MYO18B: variants seen among roughly 807,000 people sequenced by gnomAD.
MYO18B encodes myosin XVIIIB, also known as unconventional myosin-XVIIIb.
A neutral mutation model predicts 273.0 loss-of-function variants in MYO18B; 204 were observed. The observed-to-expected ratio is 0.75, with a 90% CI of 0.67 to 0.84. The LOEUF (loss-of-function observed/expected upper bound fraction) is 0.84. Among genes scored for constraint, MYO18B ranks in the 40% least tolerant of loss-of-function variants. MYO18B has a pLI of 0.00. For synonymous variants in MYO18B, 1,330 were observed against 1,305.7 expected (o/e 1.02, Z -0.40); for missense variants, 3,212 against 3,287.6 (o/e 0.98, Z 0.56).
At chr22:25,844,157 C>T (rs2090167013) in intron 18 of MYO18B, among the ~76,000 whole-genome samples, 1 of 152,198 alleles carries the variant, frequency 6.6e-6, no homozygotes, top group African/African-American at 2.4e-5. Context: ...CTTATTTTGG[C>T]ACTTTGCCTT....
intron 2 of MYO18B, among the ~76,000 whole-genome samples, chr22:25,761,582 T>C (rs2086319913): frequency 6.6e-6 from 1 of 152,140 alleles, no homozygotes; most frequent in Non-Finnish European, 1.5e-5. Flanking sequence ...AAACGGGCTC[T>C]CCTCCCCAGA....
At chr22:25,965,808 A>G (rs1458768992) in intron 39 of MYO18B, among the ~76,000 whole-genome samples, 2 of 152,128 alleles carry the variant, frequency 1.3e-5, no homozygotes, top group Non-Finnish European at 2.9e-5. Flanking sequence ...GGCTTGCAAA[A>G]TTCCCTAAAA....
At chr22:25,826,062 C>T (rs2145905150) in intron 13 of MYO18B, among the ~76,000 whole-genome samples, 1 of 152,258 alleles carries the variant, frequency 6.6e-6, no homozygotes. Context: ...AAAGATGATG[C>T]TATGGGAAGT....
At chr22:25,847,794 C>T (rs2090300290) in intron 20 of MYO18B, 142 bp downstream of exon 20, 1 of 644,850 alleles carries the variant, frequency 1.6e-6, no homozygotes, top group African/African-American at 1.8e-5. Flanking sequence ...CAGCAGTCTT[C>T]TGAGATGAGG....
chr22:25,879,417 T>C (rs1370950953), intron 25 of MYO18B, among the ~76,000 whole-genome samples: 3 of 152,254 alleles, frequency 2.0e-5, no homozygotes, highest in African/African-American at 4.8e-5. Flanking sequence ...TGTATACTTA[T>C]GGTGTCATTA....
chr22:25,802,336 G>A (rs2088238161), intron 12 of MYO18B, among the ~76,000 whole-genome samples: 2 of 152,230 alleles, frequency 1.3e-5, no homozygotes, highest in Admixed American at 1.3e-4. Context: ...TTGATGTGTT[G>A]GAAGCTCTCT....
At chr22:25,917,385 A>C (rs2146421536) in intron 33 of MYO18B, among the ~76,000 whole-genome samples, 1 of 152,180 alleles carries the variant, frequency 6.6e-6, no homozygotes, top group South Asian at 2.1e-4. Context: ...AGGTGCATCT[A>C]AGTTTTGTAT....
chr22:25,982,765 C>T lies in MYO18B; in HGVS notation c.6157-9598C>T, dbSNP rs527788660. 3.9e-5 allele frequency among the ~76,000 whole-genome samples: 6 copies of T among 152,296 alleles called. No individual in the cohort carries two copies. The South Asian group carries it at 1.0e-3, about 26-fold the overall frequency. ...CCTGGAGAATCCAGGACAATCTCCC[C>T]CTACCTCAAGATCCTTAAGATACTC... On this transcript the variant is annotated intron_variant, in intron 39 of 43. Transcript: ENST00000335473.
chr22:25,913,067 T>G (rs1476446258), intron 33 of MYO18B, among the ~76,000 whole-genome samples: 1 of 152,190 alleles, frequency 6.6e-6, no homozygotes, highest in Non-Finnish European at 1.5e-5. Context: ...CGTATCTGCC[T>G]CACTGTGCAC....
chr22:25,991,782 A>T (rs2093272798), intron 39 of MYO18B, among the ~76,000 whole-genome samples: 1 of 152,168 alleles, frequency 6.6e-6, no homozygotes. Flanking sequence ...TACTCAACAC[A>T]GCTCTGGCCA....
At chr22:25,997,324 A>AAAAAAAAAAAAAAAAAAAAT (rs1933383343) in intron 40 of MYO18B, among the ~76,000 whole-genome samples, 1 of 150,184 alleles carries the variant, frequency 6.7e-6, no homozygotes, top group African/African-American at 2.5e-5. Flanking sequence ...AAAAAAAAAA[A>AAAAAAAAAAAAAAAAAAAAT]AAAAAACGAA....
intron 42 of MYO18B, among the ~76,000 whole-genome samples, chr22:26,021,591 C>T (rs1935819864): frequency 2.6e-5 from 4 of 152,212 alleles, no homozygotes; most frequent in Admixed American, 2.6e-4. Context: ...GATAAAAATC[C>T]TGCCCTCATG....
intron 34 of MYO18B, among the ~76,000 whole-genome samples, chr22:25,929,428 A>G (rs1241237943): frequency 6.6e-6 from 1 of 152,170 alleles, no homozygotes; most frequent in Non-Finnish European, 1.5e-5. Context: ...TCCAACAACC[A>G]AGATATATAA....
chr22:25,763,115 C>A, intron 2 of MYO18B, 116 bp from the exon 3 acceptor site: 1 of 1,223,680 alleles, frequency 8.2e-7, no homozygotes, highest in Non-Finnish European at 1.2e-6. Flanking sequence ...CATACATGGG[C>A]TTGGTCATGT....
At chr22:25,873,649 A>G (rs912643394) in intron 22 of MYO18B, among the ~76,000 whole-genome samples, 2 of 152,144 alleles carry the variant, frequency 1.3e-5, no homozygotes, top group African/African-American at 4.8e-5. Context: ...CGTGTTGGTC[A>G]GGCTGGTCTC....
In MYO18B at chr22:25,843,922, G is replaced by C. The variant is rs1373642545; in HGVS notation, c.3368+28G>C. 9 of 1,588,860 alleles carry C rather than the reference G, an allele frequency of 5.7e-6. 1 individual carries two copies. The South Asian group carries it at 7.8e-5, about 14-fold the overall frequency. On this transcript the variant is annotated intron_variant, in intron 18 of 43. Transcript: ENST00000335473. ...GAGTTGGGTCAGGGTTGGGGACGGG[G>C]ATGGAGCATTGGAGGCACTGTGTTT...
At chr22:25,929,408 C>T (rs2092467235) in intron 34 of MYO18B, among the ~76,000 whole-genome samples, 1 of 152,076 alleles carries the variant, frequency 6.6e-6, no homozygotes, top group African/African-American at 2.4e-5. Flanking sequence ...AATCTGGAGA[C>T]AGAAGCAGTT....
At position 25,927,931 on chromosome 22, in the gene MYO18B, C is replaced by G. The variant is rs374093501; in HGVS notation, c.5517+6522C>G. Among the ~76,000 whole-genome samples the G allele has an allele frequency of 6.3e-4, 96 of 152,178 alleles. 1 individual carries two copies. The highest frequency in any genetic ancestry group is 2.3e-3 in the African/African-American group (95 of 41,502). ...GCTAAAGAGGAGGCCCTTAATTTTG[C>G]TTTGAGAGAGGAGCTGGTAGCTTTG... On this transcript the variant is annotated intron_variant, in intron 34 of 43. Transcript: ENST00000335473.
At chr22:26,055,916 A>G in the MYO18B span, among the ~76,000 whole-genome samples, 1 of 152,192 alleles carries the variant, frequency 6.6e-6, no homozygotes, top group African/African-American at 2.4e-5. Flanking sequence ...GGAGGAACTA[A>G]TCCTACGCCT....
Sources: gnomAD v4.1 joint callset for allele counts (sites outside exome capture counted in the v4.1 genomes callset) on GRCh38, gnomAD v4.1.1 for gene constraint, MANE v1.5 for transcripts, NCBI Gene and HGNC (gene_info 2026-07-23, HGNC 2026-07-21) for gene names.